CCDC122: variants seen among roughly 807,000 people sequenced by gnomAD.
The protein encoded by CCDC122 is coiled-coil domain containing 122.
Under a neutral mutation model 37.0 loss-of-function variants are expected in CCDC122, and 38 were observed. The ratio of observed to expected loss-of-function variants is 1.03; its 90% confidence interval spans 0.79 to 1.35. The LOEUF is 1.35. CCDC122 is among the 40% of genes most tolerant of loss of function. The pLI, the probability that CCDC122 is intolerant of heterozygous loss-of-function variation, is 0.00. For synonymous variants in CCDC122, 83 were observed against 95.6 expected, an observed-to-expected ratio of 0.87 and a Z score of 0.77; for missense variants, 305 against 310.0, an observed-to-expected ratio of 0.98 and a Z score of 0.12.
At chr13:43,854,800 G>C (rs1953854429) in intron 6 of CCDC122, 1 of 151,996 alleles carries the variant, frequency 6.6e-6, no homozygotes, top group Admixed American at 6.6e-5. Flanking sequence ...TTTATATCTG[G>C]GATGCAAGTT....
chr13:43,853,663 T>G (rs1259586219), intron 6 of CCDC122, among the ~76,000 whole-genome samples: 1 of 152,206 alleles, frequency 6.6e-6, no homozygotes, highest in Admixed American at 6.5e-5. Flanking sequence ...GACAGAACTC[T>G]CCATTCCAAA....
At chr13:43,864,349 G>T (rs1352866987) in intron 4 of CCDC122, among the ~76,000 whole-genome samples, 1 of 152,098 alleles carries the variant, frequency 6.6e-6, no homozygotes, top group Admixed American at 6.5e-5. Context: ...ATTCTGTGTT[G>T]CTAAAATAAA....
chr13:43,867,293 A>C (rs1048725593), intron 4 of CCDC122, among the ~76,000 whole-genome samples: 1 of 152,186 alleles, frequency 6.6e-6, no homozygotes, highest in African/African-American at 2.4e-5. Flanking sequence ...TTTTCAAAAC[A>C]TACTGTAATT....
At chr13:43,837,855 T>C (rs191308519) in intron 6 of CCDC122, among the ~76,000 whole-genome samples, 1 of 152,190 alleles carries the variant, frequency 6.6e-6, no homozygotes, top group Non-Finnish European at 1.5e-5. Flanking sequence ...GGGACTCTAC[T>C]TTGAGTCCCT....
intron 4 of CCDC122, among the ~76,000 whole-genome samples, chr13:43,867,372 C>T (rs568943219): frequency 6.6e-6 from 1 of 152,182 alleles, no homozygotes; most frequent in East Asian, 1.9e-4. Flanking sequence ...TGCAAATGTC[C>T]TCTGTGAATA....
intron 6 of CCDC122, among the ~76,000 whole-genome samples, chr13:43,846,626 T>A (rs1188208037): frequency 2.6e-5 from 4 of 152,204 alleles, no homozygotes; most frequent in Non-Finnish European, 5.9e-5. Flanking sequence ...GTTACAGATG[T>A]CTTTACTCCT....
intron 6 of CCDC122, among the ~76,000 whole-genome samples, chr13:43,846,165 C>A (rs1490857194): frequency 6.6e-6 from 1 of 152,058 alleles, no homozygotes; most frequent in Non-Finnish European, 1.5e-5. Context: ...ACCTCCGCCT[C>A]CCAGGTTCAA....
At chr13:43,877,319 A>C (rs1954644118) in intron 1 of CCDC122, among the ~76,000 whole-genome samples, 1 of 152,178 alleles carries the variant, frequency 6.6e-6, no homozygotes, top group Non-Finnish European at 1.5e-5. Flanking sequence ...GCAAATGAAC[A>C]CACAGTTGTT....
At chr13:43,849,604 C>A (rs1953658077) in intron 6 of CCDC122, among the ~76,000 whole-genome samples, 1 of 152,036 alleles carries the variant, frequency 6.6e-6, no homozygotes, top group Non-Finnish European at 1.5e-5. Flanking sequence ...GACAAAAAGC[C>A]CTAAGAAAAA....
At chr13:43,829,035 A>C (rs893004350) in intron 3 of CCDC122, among the ~76,000 whole-genome samples, 1 of 152,208 alleles carries the variant, frequency 6.6e-6, no homozygotes, top group African/African-American at 2.4e-5. Context: ...AATTGTTACT[A>C]ATCTTATATT....
chr13:43,857,479 T>C (rs1325520665), intron 6 of CCDC122, among the ~76,000 whole-genome samples: 2 of 150,528 alleles, frequency 1.3e-5, no homozygotes, highest in Admixed American at 1.3e-4. Flanking sequence ...TGTGTGTGTG[T>C]GTGCACGTGT....
intron 3 of CCDC122, among the ~76,000 whole-genome samples, chr13:43,830,431 T>G (rs763933075): frequency 7.9e-5 from 12 of 152,164 alleles, no homozygotes; most frequent in Non-Finnish European, 1.6e-4. Flanking sequence ...TGATTTATTA[T>G]TGAAGTCTTC....
chr13:43,847,168 T>A (rs1363177187), intron 6 of CCDC122, among the ~76,000 whole-genome samples: 1 of 152,226 alleles, frequency 6.6e-6, no homozygotes, highest in Admixed American at 6.5e-5. Flanking sequence ...GTAGGCCAAT[T>A]TGCACCAATA....
intron 1 of CCDC122, among the ~76,000 whole-genome samples, chr13:43,876,381 A>C (rs1220875678): frequency 6.6e-6 from 1 of 152,358 alleles, no homozygotes; most frequent in Non-Finnish European, 1.5e-5. Context: ...GCATTATAAA[A>C]ATGTCTGGTG....
chr13:43,829,490 G>A (rs1953069247), intron 3 of CCDC122, among the ~76,000 whole-genome samples: 1 of 151,998 alleles, frequency 6.6e-6, no homozygotes, highest in African/African-American at 2.4e-5. Context: ...ATTTTTAGTA[G>A]AGATGGGGTT....
intron 3 of CCDC122, among the ~76,000 whole-genome samples, chr13:43,830,572 C>T (rs1953080314): frequency 6.6e-6 from 1 of 152,032 alleles, no homozygotes; most frequent in Admixed American, 6.6e-5. Context: ...GTTTTGGAGG[C>T]GAAAGCATGA....
At chr13:43,872,326 C>T (rs1458110958) in intron 2 of CCDC122, among the ~76,000 whole-genome samples, 2 of 152,088 alleles carry the variant, frequency 1.3e-5, no homozygotes, top group Non-Finnish European at 2.9e-5. Flanking sequence ...AGAATCTCAA[C>T]CAGCTGCTTT....
chr13:43,829,963 C>T (rs7337625), intron 3 of CCDC122, among the ~76,000 whole-genome samples: 134,181 of 152,148 alleles, frequency 0.88, 59,884 homozygotes, highest in South Asian at 0.98. Flanking sequence ...GCAGCCTCCG[C>T]CTCCTGGCTG....
At chr13:43,828,397 G>T (rs1165245187) in intron 3 of CCDC122, among the ~76,000 whole-genome samples, 3 of 152,152 alleles carry the variant, frequency 2.0e-5, no homozygotes, top group African/African-American at 7.2e-5. Flanking sequence ...TACTTGCTTT[G>T]CAGCCACATC....
Sources: gnomAD v4.1 joint callset for allele counts (sites outside exome capture counted in the v4.1 genomes callset) on GRCh38, gnomAD v4.1.1 for gene constraint, MANE v1.5 for transcripts, NCBI Gene and HGNC (gene_info 2026-07-23, HGNC 2026-07-21) for gene names.